Variants in CASK observed in about 807,000 individuals in gnomAD.
The protein encoded by CASK is calcium/calmodulin dependent serine protein kinase.
CASK carries 4 observed loss-of-function variants against 82.9 expected under a neutral mutation model. The ratio of observed to expected loss-of-function variants is 0.05; its 90% CI spans 0.02 to 0.11. CASK has a LOEUF of 0.11. CASK is among the 10% of genes least tolerant of loss of function. The probability of loss-of-function intolerance (pLI) is 1.00; values close to 1 mark genes in which losing one functional copy is unlikely to be tolerated. For synonymous variants in CASK, 259 were observed against 253.5 expected (o/e 1.02, Z -0.20); for missense variants, 358 against 720.9 (o/e 0.50, Z 5.76).
At chrX:41,847,036 A>G (rs1488599305) in intron 2 of CASK, among the ~76,000 whole-genome samples, 1 of 111,406 alleles carries the variant, frequency 9.0e-6, no homozygotes, top group Non-Finnish European at 1.9e-5. Context: ...CTCCCTTGCT[A>G]TTTTCAAGAT....
intron 2 of CASK, among the ~76,000 whole-genome samples, chrX:41,812,335 T>A (rs2070308298): frequency 9.0e-6 from 1 of 111,026 alleles, no homozygotes; most frequent in Admixed American, 9.5e-5. Flanking sequence ...GATGCAAAAA[T>A]CCTCAATAAA....
At position 41,618,549 on chromosome X, in the gene CASK, C is replaced by T. The variant is rs1339270603; in HGVS notation, c.1033+4068G>A. Among the ~76,000 whole-genome samples the T allele has an allele frequency of 3.6e-5, 4 of 111,534 alleles. No homozygotes were observed. In the East Asian group the frequency reaches 8.4e-4, roughly 23 times the overall value. Reference sequence around the variant, plus strand: ...AATTCCTGGGCTCAAGCAATCCTCCCGCCTCAGCCTCCCAAAGTGCTGGGA... The same window carrying T: ...AATTCCTGGGCTCAAGCAATCCTCCTGCCTCAGCCTCCCAAAGTGCTGGGA... On this transcript the variant is annotated intron_variant, in intron 11 of 26. Transcript: ENST00000378163.
chrX:41,877,048 T>A (rs1299002456), intron 1 of CASK, among the ~76,000 whole-genome samples: 1 of 111,721 alleles, frequency 9.0e-6, no homozygotes, highest in Admixed American at 9.5e-5. Context: ...GCCAGTTTCC[T>A]CATTTTTAAT....
At chrX:41,821,724 C>T (rs2070545911) in intron 2 of CASK, among the ~76,000 whole-genome samples, 1 of 112,455 alleles carries the variant, frequency 8.9e-6, no homozygotes, top group Admixed American at 9.4e-5. Context: ...AGTACTAATA[C>T]AACAGACATG....
At chrX:41,743,468 G>A (rs2068630169) in intron 4 of CASK, 4 of 279,087 alleles carry the variant, frequency 1.4e-5, no homozygotes, top group Admixed American at 6.3e-5. Flanking sequence ...TAGTTCTACC[G>A]CGTATAGATC....
At chrX:41,876,020 GT>G (rs1330264613) in intron 1 of CASK, among the ~76,000 whole-genome samples, 1 of 111,124 alleles carries the variant, frequency 9.0e-6, no homozygotes, top group Non-Finnish European at 1.9e-5. Context: ...GCATCCACAG[GT>G]AAAAAGTCCT....
intron 12 of CASK, among the ~76,000 whole-genome samples, chrX:41,603,006 C>G (rs1467627814): frequency 1.8e-5 from 2 of 111,740 alleles, no homozygotes; most frequent in African/African-American, 6.5e-5. Flanking sequence ...ACCACCACCA[C>G]TGGGCAGGGG....
At chrX:41,889,468 A>T (rs1269458652) in intron 1 of CASK, among the ~76,000 whole-genome samples, 1 of 111,236 alleles carries the variant, frequency 9.0e-6, no homozygotes, top group East Asian at 2.8e-4. Flanking sequence ...TTGTCTATTC[A>T]TGTCCTTAGT....
At position 41,518,306 on chromosome X, in the gene CASK, G is replaced by A. The variant is rs890401664; in HGVS notation, c.*2114C>T. The A allele has an allele frequency of 1.0e-4, 12 of 115,593 alleles. 1 individual carries two copies. Among genetic ancestry groups the A allele is most frequent in the Admixed American group, 4.4e-4 (5 of 11,282 alleles). The allele number at this position is 115,593 out of a possible 1,213,427, so 9.5% of individuals were successfully genotyped here. ...GTGCGCACCTTCACACTAAGAGCCC[G>A]AAATTGTGGTCAGTACCATACCAGG... is the stretch of plus-strand genomic sequence containing the variant. On this transcript the variant is annotated 3_prime_UTR_variant, in exon 27 of 27. Transcript: ENST00000378163.
intron 5 of CASK, among the ~76,000 whole-genome samples, chrX:41,671,963 G>T (rs1025349230): frequency 1.8e-5 from 2 of 111,938 alleles, no homozygotes; most frequent in East Asian, 5.6e-4. Context: ...TATCCTGGTT[G>T]TTAGGGGATA....
rs1056178544 is a variant in CASK at position 41,855,535 on chromosome X, G to A, written c.60-2308C>T. On this transcript the variant is annotated intron_variant, in intron 1 of 26. Transcript: ENST00000378163. Reference sequence around the variant, plus strand: ...TTTCCCATCTTAAAAAGGGAGGAGTGATAAAGTAGTGTAACACACCTACTA... The same window carrying A: ...TTTCCCATCTTAAAAAGGGAGGAGTAATAAAGTAGTGTAACACACCTACTA... 3.6e-5 allele frequency among the ~76,000 whole-genome samples: 4 copies of A among 111,697 alleles called. No individual in the cohort carries two copies. The East Asian group carries it at 1.1e-3, about 31-fold the overall frequency.
At chrX:41,559,445 T>A (rs1317594196) in intron 18 of CASK, 1 of 238,817 alleles carries the variant, frequency 4.2e-6, no homozygotes, top group African/African-American at 2.8e-5. Context: ...ATGAACTTCC[T>A]GGAAATATTA....
At chrX:41,696,351 A>G in intron 5 of CASK, 1 of 1,169,303 alleles carries the variant, frequency 8.6e-7, no homozygotes, top group Non-Finnish European at 1.1e-6. Context: ...TTCATATATT[A>G]AGATTGGGAA....
At chrX:41,524,844 C>A (rs1038304456) in intron 25 of CASK, 3 of 111,221 alleles carry the variant, frequency 2.7e-5, no homozygotes, top group Non-Finnish European at 5.7e-5. Context: ...TTGGAGGTTA[C>A]AAACTCCCTT....
intron 3 of CASK, among the ~76,000 whole-genome samples, chrX:41,751,493 C>G (rs1433812523): frequency 9.3e-6 from 1 of 107,221 alleles, no homozygotes; most frequent in Admixed American, 1.0e-4. Context: ...AAGAGGTGAA[C>G]AAGAGCTGCT....
At chrX:41,901,706 T>G (rs2072385191) in intron 1 of CASK, among the ~76,000 whole-genome samples, 1 of 110,746 alleles carries the variant, frequency 9.0e-6, no homozygotes, top group South Asian at 3.9e-4. Flanking sequence ...AATCCTGGTG[T>G]GCATGGGGAA....
intron 19 of CASK, 186 bp from the exon 20 acceptor site, chrX:41,555,821 C>G (rs2065153296): frequency 2.4e-6 from 1 of 412,548 alleles, no homozygotes; most frequent in African/African-American, 2.5e-5. Flanking sequence ...GGCCATTTAG[C>G]AGCAAGCTGA....
At chrX:41,727,645 A>G in intron 5 of CASK, 1 of 1,209,772 alleles carries the variant, frequency 8.3e-7, no homozygotes. Context: ...TCTCATTGGA[A>G]CCACATTTAT....
intron 5 of CASK, among the ~76,000 whole-genome samples, chrX:41,691,520 TC>T (rs1188002865): frequency 9.0e-6 from 1 of 111,014 alleles, no homozygotes; most frequent in Admixed American, 9.6e-5. Context: ...CATCATGGGC[TC>T]TAAAAGTCAG....
Sources: gnomAD v4.1 joint callset for allele counts (sites outside exome capture counted in the v4.1 genomes callset) on GRCh38, gnomAD v4.1.1 for gene constraint, MANE v1.5 for transcripts, NCBI Gene and HGNC (gene_info 2026-07-23, HGNC 2026-07-21) for gene names.